The following PKN3 variants were observed in gnomAD, a reference collection of about 807,000 sequenced individuals.
PKN3 encodes protein kinase N3.
In PKN3, 91 loss-of-function variants were observed where a neutral mutation model predicts 113.1. The observed-to-expected ratio is 0.80, with a 90% CI of 0.68 to 0.96. The LOEUF is 0.96. Among genes scored for constraint, PKN3 ranks in the 40% least tolerant of loss-of-function variants. The pLI is 0.00. For missense variants in PKN3, 1,052 were observed against 1,202.2 expected (o/e 0.88, Z 1.85); for synonymous variants, 467 against 499.0 (o/e 0.94, Z 0.85).
chr9:128,703,465 T>G, intron 1 of PKN3: 2 of 985,242 alleles, frequency 2.0e-6, no homozygotes, highest in Non-Finnish European at 2.4e-6. Flanking sequence ...GGCGGGAACC[T>G]TTGGGTACAT....
At chr9:128,718,853 A>G (rs1428794850) in intron 18 of PKN3, among the ~76,000 whole-genome samples, 1 of 149,382 alleles carries the variant, frequency 6.7e-6, no homozygotes, top group African/African-American at 2.5e-5. Context: ...GCCTGTGGTC[A>G]GGGATGGGAG....
In PKN3 at chr9:128,716,789, AG is replaced by A; in HGVS notation, c.1854del (p.His619ThrfsTer20). The A allele has an allele frequency of 1.9e-6, 3 of 1,614,012 alleles. No individual in the cohort carries two copies. Among genetic ancestry groups the A allele is most frequent in the Non-Finnish European group, 2.5e-6 (3 of 1,179,964 alleles). ...KRILEAVGCT[G>X]HPFLLSLLAC... ...GGATCCTGGAGGCTGTGGGCTGCAC[AG>A]GGCACCCTTTCCTGCTCTCCCTCCT... On this transcript the variant is annotated frameshift_variant, in exon 16 of 22. Transcript: ENST00000291906. LOFTEE classifies it high-confidence loss of function.
intron 18 of PKN3, among the ~76,000 whole-genome samples, 199 bp downstream of exon 18, chr9:128,718,824 G>GCAC (rs1862422269): frequency 6.6e-6 from 1 of 151,764 alleles, no homozygotes; most frequent in Non-Finnish European, 1.5e-5. Context: ...GCCCCAGCCT[G>GCAC]CACCTGGCCC....
At chr9:128,719,254 A>G (rs1589494960) in intron 18 of PKN3, among the ~76,000 whole-genome samples, 1 of 146,964 alleles carries the variant, frequency 6.8e-6, no homozygotes, top group East Asian at 2.0e-4. Context: ...CAATGGCGCA[A>G]TCTCGGCTCA....
At chr9:128,717,735 A>G (rs886664967) in intron 16 of PKN3, among the ~76,000 whole-genome samples, 20 of 149,016 alleles carry the variant, frequency 1.3e-4, no homozygotes, top group Non-Finnish European at 1.5e-4. Flanking sequence ...AAAAAAAAAA[A>G]AAGGCCGGGC....
intron 5 of PKN3, 32 bp downstream of exon 5, chr9:128,707,055 C>T (rs1225948619): frequency 6.2e-7 from 1 of 1,613,602 alleles, no homozygotes; most frequent in African/African-American, 1.3e-5. Flanking sequence ...TCTCCTAAGG[C>T]TGGCTTGTTC....
chr9:128,716,602 A>T, intron 15 of PKN3, 145 bp from the exon 16 acceptor site: 3 of 660,410 alleles, frequency 4.5e-6, no homozygotes, highest in Non-Finnish European at 7.8e-6. Flanking sequence ...TGTCTCAAAA[A>T]AAAAAAAAAA....
chr9:128,720,096 C>T lies in PKN3; in HGVS notation c.2376+79C>T, dbSNP rs1862486660. 3.3e-6 allele frequency: 5 copies of T among 1,532,382 alleles called. No individual in the cohort carries two copies. Among genetic ancestry groups the T allele is most frequent in the African/African-American group, 1.4e-5 (1 of 73,716 alleles). 94.9% of individuals were successfully genotyped at this position (1,532,382 alleles called of 1,614,324 possible). ...CCCTCTGCCGTGGGACAGCAGACCC[C>T]CTGCCACCCATCCTTAGAGCGCTCT... On this transcript the variant is annotated intron_variant, in intron 20 of 21. Transcript: ENST00000291906. This position sits in a 1 kb window ranked among gnomAD's most constrained non-coding sequence, Gnocchi z 5.5.
Position 128,711,600 on chromosome 9 carries a change from T to C in PKN3, c.836-1452T>C, listed in dbSNP as rs544473687. 4.7e-3 allele frequency among the ~76,000 whole-genome samples: 625 copies of C among 133,740 alleles called. 8 individuals carry two copies. The highest frequency in any genetic ancestry group is 0.017 in the African/African-American group (589 of 34,860). 87.7% of individuals were successfully genotyped at this position (133,740 alleles called of 152,430 possible). On this transcript the variant is annotated intron_variant, in intron 6 of 21. Coordinates refer to ENST00000291906, the MANE Select transcript of PKN3 (RefSeq NM_013355.5). ...GGTGTGAGCCACCACGCCCGGCCTT[T>C]TTTTTGGGGGGGGTGGGGGACAGAG... is the stretch of plus-strand genomic sequence containing the variant.
chr9:128,704,106 C>T, intron 1 of PKN3: 2 of 985,312 alleles, frequency 2.0e-6, no homozygotes, highest in Non-Finnish European at 2.4e-6. Context: ...CCACTGGGCT[C>T]AGGAGAAGAT....
Position 128,713,074 on chromosome 9 carries a change from G to A in PKN3, c.858G>A (p.Leu286=). The A allele has an allele frequency of 8.1e-6, 13 of 1,610,524 alleles. No individual in the cohort carries two copies. Among genetic ancestry groups the A allele is most frequent in the Non-Finnish European group, 1.1e-5 (13 of 1,178,160 alleles). The change falls in exon 7 of 22, where the codon CTG becomes CTA. Residue 286 remains leucine, a synonymous_variant. Transcript: ENST00000291906. ...CAGGGACACTGCAGGTCCGCCTCCT[G>A]GGCTGTGAACAGTTGCTGACAGCCG... is the stretch of plus-strand genomic sequence containing the variant. ...ALTGTLQVRL[L]GCEQLLTAVP...
At chr9:128,705,623 G>A (rs1175865436) in intron 2 of PKN3, 80 bp downstream of exon 2, 25 of 1,541,912 alleles carry the variant, frequency 1.6e-5, no homozygotes, top group South Asian at 4.8e-5. Context: ...GGCCACTGTG[G>A]CGAGACCACC....
At chr9:128,718,411 CGGGGGTAGGGGT>C in intron 17 of PKN3, 24 bp downstream of exon 17, 6 of 457,150 alleles carry the variant, frequency 1.3e-5, no homozygotes, top group Middle Eastern at 5.3e-4. Context: ...CAGGGATGCA[CGGGGGTAGGGGT>C]GGGGGTGGGG....
chr9:128,712,384 C>G (rs1862206218), intron 6 of PKN3, among the ~76,000 whole-genome samples: 1 of 152,192 alleles, frequency 6.6e-6, no homozygotes, highest in African/African-American at 2.4e-5. Context: ...AGGGACAACC[C>G]TCTAGTGACG....
rs754968087 is a variant in PKN3 at position 128,720,565 on chromosome 9, C to T, written c.2629C>T (p.Arg877Trp). 2.1e-5 allele frequency: 34 copies of T among 1,613,340 alleles called. No individual in the cohort carries two copies. Among genetic ancestry groups the T allele is most frequent in the African/African-American group, 8.0e-5 (6 of 74,942 alleles). Reference protein sequence around the residue: ...LLTARQQAAFRDFDFVSERFL... With the variant: ...LLTARQQAAFWDFDFVSERFL... ...CACTGCCCGCCAACAGGCCGCCTTC[C>T]GGGACTTCGACTTTGTGTCAGAGCG... is the stretch of plus-strand genomic sequence containing the variant. The change falls in exon 22 of 22, where the codon CGG becomes TGG. Residue 877 changes from arginine (R) to tryptophan (W), a missense_variant. By Grantham distance (101) the Arg-to-Trp change is moderately radical (BLOSUM62 -3). Coordinates refer to ENST00000291906, the MANE Select transcript of PKN3 (RefSeq NM_013355.5). This position sits in a 1 kb window ranked among gnomAD's most constrained non-coding sequence, Gnocchi z 5.5.
At position 128,720,394 on chromosome 9, in the gene PKN3, AC is replaced by A. The variant is rs879332477; in HGVS notation, c.2460del (p.Thr821ProfsTer39). 5 of 1,612,744 alleles carry A rather than the reference AC, an allele frequency of 3.1e-6. No homozygotes were observed. Among genetic ancestry groups the A allele is most frequent in the Non-Finnish European group, 4.2e-6 (5 of 1,179,912 alleles). On this transcript the variant is annotated frameshift_variant and splice_region_variant, in exon 22 of 22. Transcript: ENST00000291906. LOFTEE classifies it high-confidence loss of function. The surrounding 1 kb of genome is among the most constrained non-coding windows in gnomAD (Gnocchi z 5.5). ...EEIKVQPFFR[T>X]TNWQALLART... The stretch of plus-strand genomic sequence containing the variant: ...TCAGGCGCCTCTCCTTTGCCCTCAG[AC>A]CACCAACTGGCAAGCCCTGCTCGCC...
At chr9:128,714,424 A>T (rs1049957594) in intron 11 of PKN3, 59 bp downstream of exon 11, 4 of 1,417,706 alleles carry the variant, frequency 2.8e-6, no homozygotes, top group African/African-American at 2.8e-5. Flanking sequence ...CTGACTCCAG[A>T]TCCAGGCGGT....
chr9:128,711,338 G>T (rs1409609510), intron 6 of PKN3, among the ~76,000 whole-genome samples: 7 of 136,998 alleles, frequency 5.1e-5, no homozygotes, highest in African/African-American at 2.0e-4. Flanking sequence ...ACAGAGTCTT[G>T]CTCTGTCGCC....
At chr9:128,719,210 G>A (rs1862444172) in intron 18 of PKN3, among the ~76,000 whole-genome samples, 1 of 149,104 alleles carries the variant, frequency 6.7e-6, no homozygotes, top group South Asian at 2.1e-4. Context: ...TTTTTTTTGA[G>A]ATGGAGTCTT....
Sources: allele counts gnomAD v4.1 joint callset (sites outside exome capture counted in the v4.1 genomes callset), GRCh38; gene constraint gnomAD v4.1.1; non-coding constraint Gnocchi (gnomAD v3.1); transcripts MANE v1.5; gene names NCBI Gene and HGNC (gene_info 2026-07-23, HGNC 2026-07-21).